Variants in TRHDE observed in about 807,000 individuals in gnomAD.
TRHDE encodes the protein thyrotropin releasing hormone degrading enzyme.
Under a neutral mutation model 125.7 loss-of-function variants are expected in TRHDE, and 72 were observed. The ratio of observed to expected loss-of-function variants is 0.57; its 90% confidence interval spans 0.47 to 0.70. The LOEUF is 0.70. Among genes scored for constraint, TRHDE ranks in the 30% least tolerant of loss-of-function variants. TRHDE has a pLI of 0.00. For missense variants in TRHDE, 1,110 were observed against 1,327.1 expected (o/e 0.84, Z 2.54); for synonymous variants, 509 against 509.1 (o/e 1.00, Z 0.00).
chr12:72,347,297 G>T (rs1446001548), intron 2 of TRHDE, among the ~76,000 whole-genome samples: 1 of 152,012 alleles, frequency 6.6e-6, no homozygotes, highest in Non-Finnish European at 1.5e-5. Flanking sequence ...TCAGATTTTG[G>T]GTAGAGACAA....
chr12:72,305,819 T>C (rs1018251965), intron 2 of TRHDE, among the ~76,000 whole-genome samples: 1 of 152,236 alleles, frequency 6.6e-6, no homozygotes, highest in African/African-American at 2.4e-5. Flanking sequence ...CCACTGATTC[T>C]GTGCCTAAAA....
At chr12:72,519,085 C>T (rs936928786) in intron 6 of TRHDE, among the ~76,000 whole-genome samples, 13 of 151,898 alleles carry the variant, frequency 8.6e-5, no homozygotes, top group African/African-American at 3.1e-4. Flanking sequence ...AACATTTTTT[C>T]CTTCATTTCA....
At chr12:72,354,127 T>G (rs1347450740) in intron 2 of TRHDE, among the ~76,000 whole-genome samples, 1 of 151,628 alleles carries the variant, frequency 6.6e-6, no homozygotes, top group Non-Finnish European at 1.5e-5. Context: ...CATGTAGAAA[T>G]GTGATAGATC....
At chr12:72,561,775 T>C (rs1187930727) in intron 7 of TRHDE, among the ~76,000 whole-genome samples, 1 of 152,180 alleles carries the variant, frequency 6.6e-6, no homozygotes, top group Non-Finnish European at 1.5e-5. Context: ...GCTCTTTCTT[T>C]TTTTCATAAA....
At chr12:72,256,310 A>G (rs1191421129) in intron 2 of TRHDE, 1 of 151,964 alleles carries the variant, frequency 6.6e-6, no homozygotes. Flanking sequence ...CCTGCTTGCC[A>G]TATCTCAGAC....
At chr12:72,345,882 G>A (rs1870307242) in intron 2 of TRHDE, among the ~76,000 whole-genome samples, 1 of 152,054 alleles carries the variant, frequency 6.6e-6, no homozygotes, top group Non-Finnish European at 1.5e-5. Flanking sequence ...CTTTTAGTTT[G>A]CCTTCTATGC....
intron 2 of TRHDE, among the ~76,000 whole-genome samples, chr12:72,232,320 G>C (rs930252470): frequency 6.6e-6 from 1 of 152,164 alleles, no homozygotes; most frequent in Non-Finnish European, 1.5e-5. Context: ...CTGGCCTATA[G>C]AGGTGGTCCC....
Position 72,278,312 on chromosome 12 carries a change from A to G in TRHDE, c.914+4755A>G, listed in dbSNP as rs139443375. Among the ~76,000 whole-genome samples the G allele has an allele frequency of 5.0e-4, 76 of 152,228 alleles. No homozygotes were observed. In the East Asian group the frequency reaches 0.01, roughly 21 times the overall value. The stretch of plus-strand genomic sequence containing the variant: ...TGAATGGTATTTCATTAGTGTATGT[A>G]TACATTTTCTTTATCCATCCATTCA... On this transcript the variant is annotated intron_variant, in intron 1 of 18. Transcript: ENST00000261180.
At chr12:72,193,286 T>G (rs764210883) in intron 2 of TRHDE, among the ~76,000 whole-genome samples, 12 of 152,076 alleles carry the variant, frequency 7.9e-5, no homozygotes, top group Non-Finnish European at 1.6e-4. Context: ...AAAAGTTTTT[T>G]TTTTTCCAAA....
chr12:72,437,589 G>A (rs187941864), intron 3 of TRHDE, among the ~76,000 whole-genome samples: 70 of 151,846 alleles, frequency 4.6e-4, no homozygotes, highest in Admixed American at 7.9e-4. Context: ...TAATATGGTA[G>A]AAATCTTCAA....
intron 18 of TRHDE, among the ~76,000 whole-genome samples, chr12:72,662,748 A>G (rs1592602669): frequency 6.6e-6 from 1 of 152,120 alleles, no homozygotes; most frequent in Non-Finnish European, 1.5e-5. Context: ...GATCAATTAA[A>G]TGTCTGTTTT....
intron 3 of TRHDE, among the ~76,000 whole-genome samples, chr12:72,380,766 GCTTCCTTCCTTCCTTCCTTCCTTCCTTC>G (rs3085951): frequency 2.3e-4 from 16 of 71,060 alleles, no homozygotes; most frequent in South Asian, 6.6e-4. Context: ...TTCCTTCCTT[GCTTCCTTCCTTCCTTCCTTCCTTCCTTC>G]CTTCCTTCCT....
chr12:72,199,432 C>G (rs1298133045), intron 2 of TRHDE, among the ~76,000 whole-genome samples: 3 of 152,160 alleles, frequency 2.0e-5, no homozygotes, highest in African/African-American at 7.2e-5. Context: ...TCAGGTACTA[C>G]CTGGATAGAG....
intron 2 of TRHDE, among the ~76,000 whole-genome samples, chr12:72,107,389 C>A (rs751840611): frequency 6.6e-6 from 1 of 152,002 alleles, no homozygotes; most frequent in Admixed American, 6.6e-5. Flanking sequence ...TTCTACCCAA[C>A]GTTGAGGAGC....
intron 2 of TRHDE, among the ~76,000 whole-genome samples, chr12:72,237,784 A>G (rs1244620966): frequency 1.3e-5 from 2 of 152,166 alleles, no homozygotes; most frequent in Non-Finnish European, 2.9e-5. Context: ...AGTCTCAGGT[A>G]GTAACTCTAT....
intron 2 of TRHDE, among the ~76,000 whole-genome samples, chr12:72,199,485 C>A (rs989003455): frequency 2.0e-5 from 3 of 152,102 alleles, no homozygotes; most frequent in African/African-American, 7.2e-5. Flanking sequence ...TTGATGCCAA[C>A]CTGTGGTAGC....
chr12:72,207,165 C>G (rs983403944), intron 2 of TRHDE, among the ~76,000 whole-genome samples: 3 of 152,284 alleles, frequency 2.0e-5, no homozygotes, highest in Middle Eastern at 6.8e-3. Flanking sequence ...CTGTTTCCCC[C>G]CTAAGATTGC....
intron 6 of TRHDE, among the ~76,000 whole-genome samples, chr12:72,526,247 G>T (rs1034714759): frequency 6.6e-6 from 1 of 152,008 alleles, no homozygotes; most frequent in Admixed American, 6.6e-5. Context: ...AACAGTTTCA[G>T]GATACTCGGG....
intron 15 of TRHDE, among the ~76,000 whole-genome samples, chr12:72,635,702 G>A (rs1183683938): frequency 7.3e-5 from 11 of 150,386 alleles, no homozygotes; most frequent in African/African-American, 2.4e-4. Flanking sequence ...AAGGGATCCA[G>A]TTTCAGCTTT....
Sources: allele counts gnomAD v4.1 joint callset (sites outside exome capture counted in the v4.1 genomes callset), GRCh38; gene constraint gnomAD v4.1.1; transcripts MANE v1.5; gene names NCBI Gene and HGNC (gene_info 2026-07-23, HGNC 2026-07-21).